Variants in ZC3H13 observed in about 807,000 individuals in gnomAD.
ZC3H13 encodes the protein zinc finger CCCH-type containing 13.
A neutral mutation model predicts 204.1 loss-of-function variants in ZC3H13; 64 were observed. The observed-to-expected ratio is 0.31, with a 90% CI of 0.26 to 0.39. The LOEUF (loss-of-function observed/expected upper bound fraction) is 0.39, where lower values mean the gene tolerates loss of function less well. ZC3H13 is among the 10% of genes least tolerant of loss of function. The pLI is 1.00. For synonymous variants in ZC3H13, 667 were observed against 693.7 expected (o/e 0.96, Z 0.60); for missense variants, 1,833 against 2,082.7 (o/e 0.88, Z 2.33).
chr13:46,010,298 A>T (rs1259642483), intron 7 of ZC3H13, 50 bp downstream of exon 7: 1 of 1,475,610 alleles, frequency 6.8e-7, no homozygotes, highest in African/African-American at 1.4e-5. Flanking sequence ...TCTTTTTAGT[A>T]TCACTTCAGA....
chr13:45,991,400 CAAAT>C (rs2138305947), intron 8 of ZC3H13, among the ~76,000 whole-genome samples: 1 of 152,292 alleles, frequency 6.6e-6, no homozygotes, highest in South Asian at 2.1e-4. Context: ...AATGGGTTGT[CAAAT>C]AATGGCTTCA....
intron 8 of ZC3H13, among the ~76,000 whole-genome samples, chr13:45,990,713 C>T (rs2039906468): frequency 6.6e-6 from 1 of 152,106 alleles, no homozygotes; most frequent in Non-Finnish European, 1.5e-5. Flanking sequence ...CTAAATGCAT[C>T]CTACTGAACA....
At chr13:46,032,605 G>A (rs181899490) in intron 4 of ZC3H13, among the ~76,000 whole-genome samples, 60 of 152,274 alleles carry the variant, frequency 3.9e-4, no homozygotes, top group Middle Eastern at 3.4e-3. Flanking sequence ...GTAAGATTAT[G>A]TAGGCATTTA....
At chr13:45,960,475 C>T (rs1224276017) in intron 17 of ZC3H13, among the ~76,000 whole-genome samples, 1 of 152,082 alleles carries the variant, frequency 6.6e-6, no homozygotes, top group Non-Finnish European at 1.5e-5. Flanking sequence ...AGATAACCTG[C>T]AAACTTTGTC....
At chr13:46,027,150 G>C (rs2042588751) in intron 4 of ZC3H13, among the ~76,000 whole-genome samples, 1 of 151,932 alleles carries the variant, frequency 6.6e-6, no homozygotes, top group Non-Finnish European at 1.5e-5. Context: ...CTGTTACCCA[G>C]GCTGCAGCAC....
rs1593512800 is a variant in ZC3H13, at chr13:45,979,176, T to G, written c.1912+637A>C. ...CCCTAATAAGTACAGAAATAAAAGC[T>G]TGCCAAAGAAAGTATTTACAACCCT... On this transcript the variant is annotated intron_variant, in intron 11 of 18. Transcript: ENST00000679008. 2.0e-5 allele frequency among the ~76,000 whole-genome samples: 3 copies of G among 152,236 alleles called. No individual in the cohort carries two copies. In the South Asian group the frequency reaches 6.2e-4, roughly 32 times the overall value.
At position 46,020,169 on chromosome 13, in the gene ZC3H13, T is replaced by A. The variant is rs137947307; in HGVS notation, c.448+280A>T. ...AGCGTTAGGAATTTTTAAATTTACA[T>A]ATGCAATACAATCCTGAAGGGCTGT... On this transcript the variant is annotated intron_variant, in intron 5 of 18. Coordinates refer to ENST00000679008, the MANE Select transcript of ZC3H13 (RefSeq NM_001330564.2). Among the ~76,000 whole-genome samples, 413 of 152,252 alleles carry A rather than the reference T, an allele frequency of 2.7e-3. 4 individuals carry two copies. The highest frequency in any genetic ancestry group is 9.3e-3 in the African/African-American group (385 of 41,562).
Position 45,970,384 on chromosome 13 carries a change from G to A in ZC3H13, c.2550C>T (p.Ala850=). The part of the protein sequence containing the change: ...RRREHSPDSD[A]YNSGDDKNEK... ...TACTTTTATCATCTCCACTGTTGTA[G>A]GCATCACTGTCCGGAGAATGTTCAC... Residue 850 remains alanine (A), a synonymous_variant, in exon 13 of 19, where the codon GCC becomes GCT. Coordinates refer to ENST00000679008, the MANE Select transcript of ZC3H13 (RefSeq NM_001330564.2). 1 of 1,613,890 alleles carries A rather than the reference G, an allele frequency of 6.2e-7. No homozygotes were observed. Among genetic ancestry groups the A allele is most frequent in the Admixed American group, 1.7e-5 (1 of 60,008 alleles).
rs200079963 is a variant in ZC3H13 at position 46,045,481 on chromosome 13, T to C, written c.27A>G (p.Thr9=). 4 of 1,614,118 alleles carry C rather than the reference T, an allele frequency of 2.5e-6. No homozygotes were observed. Among genetic ancestry groups the C allele is most frequent in the East Asian group, 4.5e-5 (2 of 44,872 alleles). ...CAGATATAGTCTTGGTATTTTCCACTGTGACCTTCCTTCTAATTTTTGACA... is the reference window on the plus strand; with the variant it reads ...CAGATATAGTCTTGGTATTTTCCACCGTGACCTTCCTTCTAATTTTTGACA... MSKIRRKV[T]VENTKTISDS... is the part of the protein sequence containing the mutation. The change falls in exon 2 of 19, where the codon ACA becomes ACG. Residue 9 remains threonine (T), a synonymous_variant. Transcript: ENST00000679008.
chr13:45,957,832 G>A lies in ZC3H13; in HGVS notation c.4840-535C>T, dbSNP rs562362462. Among the ~76,000 whole-genome samples, 3 of 152,246 alleles carry A rather than the reference G, an allele frequency of 2.0e-5. No homozygotes were observed. The South Asian group carries it at 6.2e-4, about 32-fold the overall frequency. ...TCAATGTCCCATAAAAAGTGAGCTCGAAAACTGAATAAATCCTTTAGAAGA... is the reference window on the plus strand; with the variant it reads ...TCAATGTCCCATAAAAAGTGAGCTCAAAAACTGAATAAATCCTTTAGAAGA... On this transcript the variant is annotated intron_variant, in intron 18 of 18. Coordinates refer to ENST00000679008, the MANE Select transcript of ZC3H13 (RefSeq NM_001330564.2).
intron 8 of ZC3H13, among the ~76,000 whole-genome samples, chr13:45,990,858 C>T (rs917352905): frequency 3.9e-5 from 6 of 152,180 alleles, no homozygotes; most frequent in African/African-American, 1.4e-4. Flanking sequence ...GGCTACAGTA[C>T]AGTGGCATGA....
chr13:46,044,875 G>T, intron 3 of ZC3H13, 80 bp downstream of exon 3: 2 of 971,472 alleles, frequency 2.1e-6, no homozygotes, highest in South Asian at 2.4e-5. Flanking sequence ...ATATATGGTT[G>T]TATTTCAGAT....
chr13:45,996,676 C>A (rs531877840), intron 8 of ZC3H13, among the ~76,000 whole-genome samples: 1 of 149,152 alleles, frequency 6.7e-6, no homozygotes, highest in South Asian at 2.1e-4. Flanking sequence ...TTATGCAGTT[C>A]GAGTAACCCT....
chr13:46,002,220 T>C (rs1317006261), intron 8 of ZC3H13, among the ~76,000 whole-genome samples: 1 of 152,060 alleles, frequency 6.6e-6, no homozygotes, highest in Non-Finnish European at 1.5e-5. Context: ...CTCACCTCAA[T>C]GAGATAAACA....
Position 45,956,181 on chromosome 13 carries a change from ATAG to A in ZC3H13, c.*943_*945del, listed in dbSNP as rs908929297. The A allele has an allele frequency of 7.9e-5, 12 of 152,180 alleles. No homozygotes were observed. Among genetic ancestry groups the A allele is most frequent in the African/African-American group, 2.4e-4 (10 of 41,452 alleles). The allele number at this position is 152,180 out of a possible 1,614,324, so 9.4% of individuals were successfully genotyped here. A position where few individuals can be genotyped will look rare whatever the true frequency, so the allele number is the denominator to read the frequency against. ...AAAAGTTATAGCTCTAAAAAATATG[ATAG>A]TAGAATATTAAACCTCAGGTTACGT... On this transcript the variant is annotated 3_prime_UTR_variant, in exon 19 of 19. Transcript: ENST00000679008.
intron 3 of ZC3H13, among the ~76,000 whole-genome samples, chr13:46,043,716 C>A (rs1428483434): frequency 6.6e-6 from 1 of 151,938 alleles, no homozygotes; most frequent in East Asian, 1.9e-4. Flanking sequence ...AAATCATACA[C>A]AAAATAGCAA....
intron 10 of ZC3H13, among the ~76,000 whole-genome samples, chr13:45,983,666 A>C (rs1953908245): frequency 6.6e-6 from 1 of 151,006 alleles, no homozygotes. Context: ...TGACCTCGTG[A>C]TCCGCCCGCC....
At position 45,975,519 on chromosome 13, in the gene ZC3H13, G is replaced by T. The variant is rs149510667; in HGVS notation, c.2232C>A (p.Asp744Glu). 1.6e-5 allele frequency: 25 copies of T among 1,605,970 alleles called. No homozygotes were observed. Among genetic ancestry groups the T allele is most frequent in the Non-Finnish European group, 1.9e-5 (22 of 1,177,066 alleles). ...DRERERERERDREKERERERE... is the reference protein window; with the variant it reads ...DREREREREREREKERERERE... ...TTTCTCGTTCCCGTTCTTTTTCCCT[G>T]TCTCGTTCCCTCTCTCTTTCCCGCT... is the stretch of plus-strand genomic sequence containing the variant. Residue 744 changes from aspartate to glutamate, a missense_variant, in exon 12 of 19, where the codon GAC becomes GAA. By Grantham distance (45) the Asp-to-Glu change is conservative. Around this residue, in one of 5 missense-constraint regions of ZC3H13, gnomAD observed 1,574 missense variants for 1,757.2 expected, o/e 0.90. Transcript: ENST00000679008.
intron 1 of ZC3H13, among the ~76,000 whole-genome samples, chr13:46,048,271 TC>T (rs760644401): frequency 7.2e-5 from 11 of 152,032 alleles, no homozygotes; most frequent in Non-Finnish European, 1.3e-4. Flanking sequence ...AATCCTAGAC[TC>T]CCTAAGGCAA....
Sources: gnomAD v4.1 joint callset for allele counts (sites outside exome capture counted in the v4.1 genomes callset) on GRCh38, gnomAD v4.1.1 for gene constraint, gnomAD v4.1.1 regional missense constraint, MANE v1.5 for transcripts, NCBI Gene and HGNC (gene_info 2026-07-23, HGNC 2026-07-21) for gene names.